The following SLC5A1 variants were observed in gnomAD, a reference collection of about 807,000 sequenced individuals.
SLC5A1 encodes solute carrier family 5 member 1.
Under a neutral mutation model 73.5 loss-of-function variants are expected in SLC5A1, and 42 were observed. That is an observed-to-expected ratio of 0.57 (90% CI 0.45 to 0.74). The LOEUF is 0.74. Among genes scored for constraint, SLC5A1 ranks in the 30% least tolerant of loss-of-function variants. SLC5A1 has a pLI of 0.00. For missense variants in SLC5A1, 634 were observed against 855.4 expected, an observed-to-expected ratio of 0.74 and a Z score of 3.23; for synonymous variants, 300 against 317.4, an observed-to-expected ratio of 0.95 and a Z score of 0.58.
At chr22:32,045,927 C>T (rs564699103) in intron 1 of SLC5A1, among the ~76,000 whole-genome samples, 5 of 152,290 alleles carry the variant, frequency 3.3e-5, no homozygotes, top group African/African-American at 1.2e-4. Flanking sequence ...ATGGTTTTTA[C>T]ACTTCTCAAG....
chr22:32,053,762 C>T (rs369229701), intron 2 of SLC5A1, among the ~76,000 whole-genome samples: 2 of 152,102 alleles, frequency 1.3e-5, no homozygotes, highest in African/African-American at 2.4e-5. Flanking sequence ...AAAATGAATT[C>T]GTTGTATTAT....
rs915446533 is a variant in SLC5A1, at chr22:32,071,449, CTAAA to C, written c.477+2863_477+2866del. Among the ~76,000 whole-genome samples, 84 of 152,052 alleles carry C rather than the reference CTAAA, an allele frequency of 5.5e-4. 1 individual carries two copies. The highest frequency in any genetic ancestry group is 3.4e-3 in the Middle Eastern group (1 of 294). ...TGGGTGACATAGTGAGATCCTGTCA[CTAAA>C]TAAATAAATAAATGAATGAAGATAT... On this transcript the variant is annotated intron_variant, in intron 5 of 14. Coordinates refer to ENST00000266088, the MANE Select transcript of SLC5A1 (RefSeq NM_000343.4).
chr22:32,104,859 T>C lies in SLC5A1; in HGVS notation c.1739T>C (p.Ile580Thr). ...RIDLDAEEEN[I>T]QEGPKETIEI... is the part of the protein sequence containing the mutation. ...GACCTGGATGCGGAAGAGGAGAACA[T>C]CCAAGAAGGCCCTAAGGAGACCATT... The change falls in exon 14 of 15, where the codon ATC becomes ACC. Residue 580 changes from isoleucine (I) to threonine (T), a missense_variant. Physicochemically the swap from Ile to Thr is moderately conservative, Grantham distance 89. Transcript: ENST00000266088. 1.2e-6 allele frequency: 2 copies of C among 1,614,016 alleles called. No individual in the cohort carries two copies. The highest frequency in any genetic ancestry group is 1.7e-6 in the Non-Finnish European group (2 of 1,179,954).
At position 32,099,370 on chromosome 22, in the gene SLC5A1, T is replaced by C. The variant is rs547879034; in HGVS notation, c.1449+19T>C. Reference sequence around the variant, plus strand: ...TGAGCCAGTAGGTATCATCTGGGCATGTCCAGAAAAGTCATTCTGGCATAG... The same window carrying C: ...TGAGCCAGTAGGTATCATCTGGGCACGTCCAGAAAAGTCATTCTGGCATAG... On this transcript the variant is annotated intron_variant, in intron 12 of 14. Transcript: ENST00000266088. The C allele has an allele frequency of 2.5e-6, 4 of 1,608,086 alleles. No homozygotes were observed. In the African/African-American group the frequency reaches 5.3e-5, roughly 21 times the overall value.
At chr22:32,106,947 G>GTT (rs1289415377) in intron 14 of SLC5A1, among the ~76,000 whole-genome samples, 2 of 152,272 alleles carry the variant, frequency 1.3e-5, no homozygotes, top group Admixed American at 6.5e-5. Context: ...TCCTACCTGG[G>GTT]GAAAGAGCCC....
intron 14 of SLC5A1, among the ~76,000 whole-genome samples, chr22:32,107,967 G>C (rs1312345130): frequency 6.6e-6 from 1 of 152,188 alleles, no homozygotes; most frequent in East Asian, 1.9e-4. Flanking sequence ...ATCATAACAT[G>C]TTTTAATTAT....
chr22:32,062,887 C>T (rs559564562), intron 2 of SLC5A1, among the ~76,000 whole-genome samples: 225 of 152,286 alleles, frequency 1.5e-3, no homozygotes, highest in Non-Finnish European at 2.1e-3. Flanking sequence ...CAACAAAATA[C>T]CACAGACTAG....
rs2093977561 is a variant in SLC5A1 at position 32,068,386 on chromosome 22, T to A, written c.373-110T>A. Reference sequence around the variant, plus strand: ...TTCTCTGGCCAGCAAAAGTTATGAATCCTTGACCACACTTCTGTGGCTCTG... The same window carrying A: ...TTCTCTGGCCAGCAAAAGTTATGAAACCTTGACCACACTTCTGTGGCTCTG... On this transcript the variant is annotated intron_variant, in intron 4 of 14. Transcript: ENST00000266088. The A allele has an allele frequency of 6.1e-6, 5 of 820,612 alleles. No homozygotes were observed. In the South Asian group the frequency reaches 6.9e-5, roughly 11 times the overall value. The allele number at this position is 820,612 out of a possible 1,614,324, so 50.8% of individuals were successfully genotyped here.
At chr22:32,048,171 G>A (rs982845372) in intron 1 of SLC5A1, among the ~76,000 whole-genome samples, 10 of 143,726 alleles carry the variant, frequency 7.0e-5, no homozygotes, top group African/African-American at 1.0e-4. Flanking sequence ...AAAAAAAAAA[G>A]GTGCCACCTC....
rs1224268874 is a variant in SLC5A1 at position 32,112,920 on chromosome 22, CTTAA to C, written c.*2710_*2713del. On this transcript the variant is annotated 3_prime_UTR_variant, in exon 15 of 15. Coordinates refer to ENST00000266088, the MANE Select transcript of SLC5A1 (RefSeq NM_000343.4). ...ATGTGCAGTAATAGATGTTAATTAC[CTTAA>C]TTTAGTCATTTCACAATATGTACAT... 2.0e-5 allele frequency: 3 copies of C among 151,994 alleles called. No individual in the cohort carries two copies. Among genetic ancestry groups the C allele is most frequent in the Admixed American group, 6.5e-5 (1 of 15,268 alleles). The allele number at this position is 151,994 out of a possible 1,614,324, so 9.4% of individuals were successfully genotyped here. A position where few individuals can be genotyped will look rare whatever the true frequency, so the allele number is the denominator to read the frequency against.
chr22:32,100,149 C>T (rs570287184), intron 12 of SLC5A1, among the ~76,000 whole-genome samples: 5 of 152,266 alleles, frequency 3.3e-5, no homozygotes, highest in Admixed American at 2.6e-4. Context: ...TATGGAATCT[C>T]ACCTGGCTCA....
Position 32,102,085 on chromosome 22 carries a change from G to C in SLC5A1, c.1513G>C (p.Ala505Pro). The change falls in exon 13 of 15, where the codon GCT becomes CCT. Residue 505 changes from alanine (A) to proline (P), a missense_variant. By Grantham distance (27) the Ala-to-Pro change is conservative (BLOSUM62 -1). Transcript: ENST00000266088. The stretch of plus-strand genomic sequence containing the variant: ...GATTTCACGTATGATTACTGAGTTT[G>C]CTTATGGAACCGGGAGCTGCATGGA... ...IGISRMITEFAYGTGSCMEPS... is the reference protein window; with the variant it reads ...IGISRMITEFPYGTGSCMEPS... The C allele has an allele frequency of 6.2e-7, 1 of 1,614,044 alleles. No individual in the cohort carries two copies.
At chr22:32,089,218 T>C (rs965179499) in intron 10 of SLC5A1, among the ~76,000 whole-genome samples, 7 of 152,264 alleles carry the variant, frequency 4.6e-5, no homozygotes, top group Admixed American at 2.0e-4. Flanking sequence ...TTGGACTTGA[T>C]GATCTTTATA....
intron 2 of SLC5A1, among the ~76,000 whole-genome samples, chr22:32,058,069 CAT>C (rs2093954503): frequency 1.3e-5 from 2 of 152,226 alleles, no homozygotes; most frequent in Middle Eastern, 3.4e-3. Context: ...CCAAGATAAT[CAT>C]TGTTAAATTT....
intron 2 of SLC5A1, among the ~76,000 whole-genome samples, chr22:32,066,101 C>T (rs771704182): frequency 6.6e-6 from 1 of 152,094 alleles, no homozygotes; most frequent in Non-Finnish European, 1.5e-5. Flanking sequence ...GTGCAAGATC[C>T]CTCTCTTGCT....
chr22:32,045,469 T>C lies in SLC5A1; in HGVS notation c.135+2053T>C, dbSNP rs1457186824. On this transcript the variant is annotated intron_variant, in intron 1 of 14. Transcript: ENST00000266088. ...TTCTTCCAGTTTATCCTCCTCTGTC[T>C]GCTATTAAAGTGGCAAGAGTGGCTT... 2.6e-5 allele frequency among the ~76,000 whole-genome samples: 4 copies of C among 152,326 alleles called. No homozygotes were observed. The East Asian group carries it at 7.7e-4, about 29-fold the overall frequency.
At chr22:32,071,875 A>G (rs1338375825) in intron 5 of SLC5A1, among the ~76,000 whole-genome samples, 2 of 152,178 alleles carry the variant, frequency 1.3e-5, no homozygotes, top group South Asian at 4.1e-4. Context: ...GACAACAGCA[A>G]CATTAAATAA....
chr22:32,108,828 A>G (rs1171231215), intron 14 of SLC5A1, among the ~76,000 whole-genome samples: 1 of 152,178 alleles, frequency 6.6e-6, no homozygotes, highest in Non-Finnish European at 1.5e-5. Context: ...GACTCGTGTG[A>G]ACTTGGTCAC....
intron 2 of SLC5A1, among the ~76,000 whole-genome samples, chr22:32,062,698 T>C (rs555030046): frequency 3.3e-5 from 5 of 152,284 alleles, no homozygotes; most frequent in African/African-American, 1.2e-4. Flanking sequence ...ATGGGAGTGG[T>C]GCCCATTCTC....
Sources: allele counts gnomAD v4.1 joint callset (sites outside exome capture counted in the v4.1 genomes callset), GRCh38; gene constraint gnomAD v4.1.1; transcripts MANE v1.5; gene names NCBI Gene and HGNC (gene_info 2026-07-23, HGNC 2026-07-21).